EPRS1: variants seen among roughly 807,000 people sequenced by gnomAD.
EPRS1 encodes the protein bifunctional glutamate/proline--tRNA ligase.
In EPRS1, 107 loss-of-function variants were observed where a neutral mutation model predicts 188.3. The ratio of observed to expected loss-of-function variants is 0.57; its 90% CI spans 0.49 to 0.67. The LOEUF (loss-of-function observed/expected upper bound fraction) is 0.67. Among genes scored for constraint, EPRS1 ranks in the 30% least tolerant of loss-of-function variants. The pLI is 0.00. For synonymous variants in EPRS1, 596 were observed against 593.1 expected, an observed-to-expected ratio of 1.00 and a Z score of -0.07; for missense variants, 1,577 against 1,802.2, an observed-to-expected ratio of 0.88 and a Z score of 2.26.
chr1:220,005,292 C>T lies in EPRS1; in HGVS notation c.2019G>A (p.Gln673=). The T allele has an allele frequency of 6.3e-7, 1 of 1,597,222 alleles. No individual in the cohort carries two copies. Among genetic ancestry groups the T allele is most frequent in the Non-Finnish European group, 8.5e-7 (1 of 1,170,650 alleles). The change falls in exon 16 of 32, where the codon CAG becomes CAA. Residue 673 remains glutamine (Q), a synonymous_variant. Coordinates refer to ENST00000366923, the MANE Select transcript of EPRS1 (RefSeq NM_004446.3). The part of the protein sequence containing the change: ...DLKKGDIIQL[Q]RRGFFICDQP... Reference sequence around the variant, plus strand: ...GATCACATATGAAGAATCCTCTTCTCTGGAGTTGTATAATATCTCCTTTTT... The same window carrying T: ...GATCACATATGAAGAATCCTCTTCTTTGGAGTTGTATAATATCTCCTTTTT...
chr1:219,986,788 T>TGTGTGTGG (rs1286373764), intron 20 of EPRS1, among the ~76,000 whole-genome samples: 3 of 151,586 alleles, frequency 2.0e-5, no homozygotes, highest in Non-Finnish European at 1.5e-5. Context: ...TATGTATGTG[T>TGTGTGTGG]GTGTGTGTGT....
At chr1:219,977,578 C>T (rs974739645) in intron 28 of EPRS1, among the ~76,000 whole-genome samples, 2 of 151,898 alleles carry the variant, frequency 1.3e-5, no homozygotes, top group African/African-American at 4.8e-5. Flanking sequence ...ACTGGCATCA[C>T]ACAATAGCTA....
chr1:219,973,221 C>A lies in EPRS1; in HGVS notation c.4244+17G>T, dbSNP rs368137665. 161 of 1,606,226 alleles carry A rather than the reference C, an allele frequency of 1.0e-4. No individual in the cohort carries two copies. Among genetic ancestry groups the A allele is most frequent in the Non-Finnish European group, 1.3e-4 (156 of 1,174,994 alleles). ...GAAGATCTGGAGAGAGAGACATAAG[C>A]AATTTTAAGAAACTACCTTGTGAAA... is the stretch of plus-strand genomic sequence containing the variant. On this transcript the variant is annotated intron_variant, in intron 29 of 31. Coordinates refer to ENST00000366923, the MANE Select transcript of EPRS1 (RefSeq NM_004446.3).
intron 6 of EPRS1, among the ~76,000 whole-genome samples, chr1:220,027,979 T>C (rs1662016184): frequency 6.6e-6 from 1 of 152,140 alleles, no homozygotes; most frequent in Non-Finnish European, 1.5e-5. Flanking sequence ...TTAATATTAG[T>C]TCATTAGTTG....
chr1:220,002,349 G>GA (rs1470299513), intron 16 of EPRS1, among the ~76,000 whole-genome samples: 2 of 140,634 alleles, frequency 1.4e-5, no homozygotes, highest in Non-Finnish European at 3.2e-5. Flanking sequence ...AAAAAAAAAA[G>GA]AAAAAAAATT....
chr1:219,971,799 T>TATATATATATATATATATATATATATAC (rs1660671726), intron 30 of EPRS1, among the ~76,000 whole-genome samples: 1 of 116,858 alleles, frequency 8.6e-6, no homozygotes, highest in African/African-American at 3.0e-5. Flanking sequence ...TATATATACA[T>TATATATATATATATATATATATATATAC]ATACACACAC....
intron 2 of EPRS1, among the ~76,000 whole-genome samples, chr1:220,036,543 C>T (rs2647451): frequency 0.86 from 131,242 of 151,946 alleles, 57,105 homozygotes; most frequent in African/African-American, 0.97. Context: ...GCAACATGGA[C>T]GGCACTGGAG....
At chr1:219,999,258 G>C (rs1661298608) in intron 17 of EPRS1, among the ~76,000 whole-genome samples, 1 of 152,060 alleles carries the variant, frequency 6.6e-6, no homozygotes, top group Non-Finnish European at 1.5e-5. Context: ...AGCTGCAAAG[G>C]ATCTCTGACT....
chr1:219,980,754 ACCTCTTCCGCTG>A lies in EPRS1; in HGVS notation c.3545_3555+1del. ...GTTAATATGGAAAATAACTTTTTATACCTCTTCCGCTGCCTCTTCCATGGTAGCAAAAGCACT... is the reference window on the plus strand; with the variant it reads ...GTTAATATGGAAAATAACTTTTTATACCTCTTCCATGGTAGCAAAAGCACT... On this transcript the variant is annotated splice_donor_variant and coding_sequence_variant, in exon 25 of 32. Transcript: ENST00000366923. LOFTEE classifies it high-confidence loss of function. 1 of 1,597,764 alleles carries A rather than the reference ACCTCTTCCGCTG, an allele frequency of 6.3e-7. No homozygotes were observed. Among genetic ancestry groups the A allele is most frequent in the African/African-American group, 1.3e-5 (1 of 74,714 alleles).
chr1:219,978,563 T>G lies in EPRS1; in HGVS notation c.4066A>C (p.Asn1356His). The change falls in exon 28 of 32, where the codon AAT becomes CAT. Residue 1356 changes from asparagine to histidine, a missense_variant. By Grantham distance (68) the Asn-to-His change is moderately conservative. Coordinates refer to ENST00000366923, the MANE Select transcript of EPRS1 (RefSeq NM_004446.3). ...GAATTTACCTTGAGCTCCCAGTGATTGAATTTCCAACCTGGAGAATAATTA... is the reference window on the plus strand; with the variant it reads ...GAATTTACCTTGAGCTCCCAGTGATGGAATTTCCAACCTGGAGAATAATTA... ...RDNYSPGWKF[N>H]HWELKGVPIR... The G allele has an allele frequency of 1.3e-6, 2 of 1,576,624 alleles. No homozygotes were observed. The highest frequency in any genetic ancestry group is 8.6e-7 in the Non-Finnish European group (1 of 1,157,968).
chr1:219,987,703 A>T (rs1661032673), intron 19 of EPRS1, among the ~76,000 whole-genome samples: 1 of 152,230 alleles, frequency 6.6e-6, no homozygotes, highest in Admixed American at 6.5e-5. Flanking sequence ...TACACCAACT[A>T]TTGAAATTAT....
chr1:219,994,801 C>T (rs540531064), intron 18 of EPRS1, among the ~76,000 whole-genome samples: 16 of 151,672 alleles, frequency 1.1e-4, no homozygotes, highest in Non-Finnish European at 1.3e-4. Context: ...TACAGGCACC[C>T]GCCACCACAC....
At chr1:219,984,909 G>A (rs778280224) in intron 20 of EPRS1, among the ~76,000 whole-genome samples, 4 of 151,932 alleles carry the variant, frequency 2.6e-5, no homozygotes, top group African/African-American at 4.8e-5. Context: ...GCGTGGTGGC[G>A]CATGCTTGTA....
intron 22 of EPRS1, 51 bp from the exon 23 acceptor site, chr1:219,982,895 G>A (rs1238317097): frequency 6.6e-7 from 1 of 1,509,620 alleles, no homozygotes; most frequent in Admixed American, 1.7e-5. Flanking sequence ...GCATTTTGGA[G>A]CAACAGTACA....
intron 28 of EPRS1, among the ~76,000 whole-genome samples, chr1:219,974,584 G>A (rs1244453107): frequency 4.6e-5 from 7 of 151,606 alleles, no homozygotes; most frequent in Admixed American, 3.3e-4. Flanking sequence ...ATGACAGGTG[G>A]TCACCCCAAA....
At chr1:220,018,075 T>G in intron 12 of EPRS1, 2 of 1,107,412 alleles carry the variant, frequency 1.8e-6, no homozygotes, top group Admixed American at 4.9e-5. Flanking sequence ...GGTTTTAACA[T>G]GTAATATGCT....
chr1:220,003,179 A>G (rs1044653308), intron 16 of EPRS1, among the ~76,000 whole-genome samples: 1 of 152,194 alleles, frequency 6.6e-6, no homozygotes, highest in African/African-American at 2.4e-5. Context: ...GTGGTATGCA[A>G]TGATATTTCA....
chr1:220,031,594 G>C (rs1486586312), intron 5 of EPRS1, among the ~76,000 whole-genome samples: 2 of 152,200 alleles, frequency 1.3e-5, no homozygotes, highest in African/African-American at 4.8e-5. Context: ...GTAGACAGTA[G>C]TTTTCAAATT....
chr1:219,999,980 AAAAT>A (rs1661318114), intron 17 of EPRS1, among the ~76,000 whole-genome samples: 1 of 152,136 alleles, frequency 6.6e-6, no homozygotes, highest in Non-Finnish European at 1.5e-5. Context: ...TGTCTCAAAT[AAAAT>A]AAAATAAAAA....
Sources: gnomAD v4.1 joint callset for allele counts (sites outside exome capture counted in the v4.1 genomes callset) on GRCh38, gnomAD v4.1.1 for gene constraint, MANE v1.5 for transcripts, NCBI Gene and HGNC (gene_info 2026-07-23, HGNC 2026-07-21) for gene names.